The following HNMT variants were observed in gnomAD, a reference collection of about 807,000 sequenced individuals.
HNMT encodes histamine N-methyltransferase.
HNMT carries 30 observed loss-of-function variants against 32.1 expected under a neutral mutation model. That is an observed-to-expected ratio of 0.93 (90% CI 0.70 to 1.27). The LOEUF (loss-of-function observed/expected upper bound fraction) is 1.27, where lower values mean the gene tolerates loss of function less well. HNMT is among the 50% of genes most tolerant of loss of function. The pLI is 0.00. For synonymous variants in HNMT, 125 were observed against 119.0 expected (o/e 1.05, Z -0.33); for missense variants, 327 against 346.0 (o/e 0.95, Z 0.43).
intron 1 of HNMT, among the ~76,000 whole-genome samples, chr2:137,966,485 T>C (rs975896809): frequency 6.6e-6 from 1 of 152,228 alleles, no homozygotes; most frequent in African/African-American, 2.4e-5. Context: ...GTAGTCAAAA[T>C]TTTGGTTAAA....
At chr2:137,980,722 C>A (rs1474957400) in intron 2 of HNMT, among the ~76,000 whole-genome samples, 3 of 152,124 alleles carry the variant, frequency 2.0e-5, no homozygotes, top group African/African-American at 7.2e-5. Flanking sequence ...AATGGCAACA[C>A]CCTTTTGACT....
At chr2:137,964,771 G>T in intron 1 of HNMT, 143 bp downstream of exon 1, 2 of 763,228 alleles carry the variant, frequency 2.6e-6, no homozygotes, top group South Asian at 3.5e-5. Context: ...TCCCCTCCTC[G>T]CTGCCCTGCC....
chr2:138,015,003 C>T lies in HNMT; in HGVS notation c.*873C>T, dbSNP rs1040096228. 2.0e-4 allele frequency: 30 copies of T among 151,930 alleles called. No individual in the cohort carries two copies. Among genetic ancestry groups the T allele is most frequent in the South Asian group, 2.1e-4 (1 of 4,810 alleles). 9.4% of individuals were successfully genotyped at this position (151,930 alleles called of 1,614,324 possible). A position where few individuals can be genotyped will look rare whatever the true frequency, so the allele number is the denominator to read the frequency against. On this transcript the variant is annotated 3_prime_UTR_variant, in exon 6 of 6. Coordinates refer to ENST00000280097, the MANE Select transcript of HNMT (RefSeq NM_006895.3). ...AAGAACAAAGAAACACAAAACTAAA[C>T]CTGTTCTAGCTTAAAATGCAGCTTT...
intron 2 of HNMT, among the ~76,000 whole-genome samples, chr2:137,985,009 A>G (rs1239819659): frequency 2.0e-5 from 3 of 152,166 alleles, no homozygotes; most frequent in African/African-American, 7.2e-5. Context: ...CATTTGACAT[A>G]CCAGCAATCA....
At chr2:137,981,366 C>T (rs1184323137) in intron 2 of HNMT, 1 of 1,611,934 alleles carries the variant, frequency 6.2e-7, no homozygotes, top group Non-Finnish European at 8.5e-7. Context: ...GAAAGCAAAT[C>T]TGCATTTCCC....
chr2:138,005,080 T>C (rs1265959046), intron 4 of HNMT, 52 bp from the exon 5 acceptor site: 11 of 999,374 alleles, frequency 1.1e-5, no homozygotes, highest in Non-Finnish European at 1.7e-5. Flanking sequence ...GCCCAAGCAA[T>C]AAAGACTTCA....
chr2:137,980,446 T>C (rs1680457297), intron 2 of HNMT, among the ~76,000 whole-genome samples: 1 of 152,208 alleles, frequency 6.6e-6, no homozygotes, highest in Non-Finnish European at 1.5e-5. Flanking sequence ...TAGCACCGAG[T>C]ATACTTCAGC....
chr2:138,002,503 G>A (rs868725323), intron 4 of HNMT: 39 of 372,164 alleles, frequency 1.0e-4, no homozygotes, highest in East Asian at 4.6e-4. Context: ...GCTGGAGTGC[G>A]GTGGCATGAT....
At chr2:137,992,435 C>G (rs144571697) in intron 2 of HNMT, among the ~76,000 whole-genome samples, 17 of 152,328 alleles carry the variant, frequency 1.1e-4, no homozygotes, top group Admixed American at 8.5e-4. Context: ...TCCAACACAT[C>G]TGCTTGCAGT....
intron 5 of HNMT, among the ~76,000 whole-genome samples, chr2:138,006,648 G>A (rs2104982968): frequency 6.6e-6 from 1 of 152,082 alleles, no homozygotes; most frequent in South Asian, 2.1e-4. Flanking sequence ...TGAATTAATT[G>A]ATGATTATTG....
At chr2:138,013,675 A>G in intron 5 of HNMT, 100 bp from the exon 6 acceptor site, 1 of 817,882 alleles carries the variant, frequency 1.2e-6, no homozygotes, top group South Asian at 1.8e-5. Flanking sequence ...AAAGGACAAG[A>G]TTATTATTTT....
At chr2:138,008,949 A>G (rs538155456) in intron 5 of HNMT, among the ~76,000 whole-genome samples, 14 of 152,226 alleles carry the variant, frequency 9.2e-5, no homozygotes, top group African/African-American at 3.4e-4. Context: ...AAAAGAAACT[A>G]TCAATAGAAT....
intron 2 of HNMT, among the ~76,000 whole-genome samples, chr2:137,994,733 C>T (rs1384044898): frequency 6.6e-6 from 1 of 152,208 alleles, no homozygotes; most frequent in East Asian, 1.9e-4. Context: ...CGCAATGCCA[C>T]TTGGCACTTA....
intron 2 of HNMT, among the ~76,000 whole-genome samples, chr2:137,993,534 G>C (rs1680890706): frequency 6.6e-6 from 1 of 152,118 alleles, no homozygotes; most frequent in African/African-American, 2.4e-5. Flanking sequence ...TTCATAAGAA[G>C]ACCAAACCTA....
intron 2 of HNMT, among the ~76,000 whole-genome samples, chr2:137,970,801 T>A (rs1680100931): frequency 6.6e-6 from 1 of 151,432 alleles, no homozygotes; most frequent in African/African-American, 2.4e-5. Context: ...ACGCCTGTAG[T>A]CCCAGCTACT....
intron 2 of HNMT, among the ~76,000 whole-genome samples, chr2:137,989,603 G>A (rs998637449): frequency 1.3e-5 from 2 of 152,066 alleles, no homozygotes; most frequent in African/African-American, 4.8e-5. Context: ...AACTCCTTTG[G>A]GTAGAAACCA....
intron 2 of HNMT, among the ~76,000 whole-genome samples, chr2:137,992,224 T>C (rs1680842970): frequency 6.6e-6 from 1 of 152,170 alleles, no homozygotes. Context: ...TGACCAGAAC[T>C]GGGTGTGGCT....
chr2:137,978,723 C>T (rs1239403744), intron 2 of HNMT, among the ~76,000 whole-genome samples: 3 of 135,990 alleles, frequency 2.2e-5, no homozygotes, highest in African/African-American at 8.2e-5. Flanking sequence ...TTATACAATA[C>T]ATATGATTAT....
rs981292269 is a variant in HNMT, at chr2:138,015,528, G to T, written c.*1398G>T. 1.3e-5 allele frequency: 2 copies of T among 152,138 alleles called. No homozygotes were observed. Among genetic ancestry groups the T allele is most frequent in the Non-Finnish European group, 2.9e-5 (2 of 68,016 alleles). 9.4% of individuals were successfully genotyped at this position (152,138 alleles called of 1,614,324 possible). A position where few individuals can be genotyped will look rare whatever the true frequency, so the allele number is the denominator to read the frequency against. On this transcript the variant is annotated 3_prime_UTR_variant, in exon 6 of 6. Transcript: ENST00000280097. ...CACTAATAAACTACCAAGCTTTGTT[G>T]TTCATAATAAGTAAAATGGACTTGC...
Sources: allele counts gnomAD v4.1 joint callset (sites outside exome capture counted in the v4.1 genomes callset), GRCh38; gene constraint gnomAD v4.1.1; transcripts MANE v1.5; gene names NCBI Gene and HGNC (gene_info 2026-07-23, HGNC 2026-07-21).